DNER: variants seen among roughly 807,000 people sequenced by gnomAD.
DNER encodes the protein delta and Notch-like epidermal growth factor-related receptor.
A neutral mutation model predicts 78.2 loss-of-function variants in DNER; 33 were observed. The observed-to-expected ratio is 0.42, with a 90% CI of 0.32 to 0.56. The LOEUF is 0.56. Ranked by LOEUF, DNER falls within the 20% of genes least tolerant of loss-of-function variation. The pLI, the probability that DNER is intolerant of heterozygous loss-of-function variation, is 0.11. For synonymous variants in DNER, 417 were observed against 384.8 expected (o/e 1.08, Z -0.98); for missense variants, 918 against 975.3 (o/e 0.94, Z 0.78).
intron 8 of DNER, among the ~76,000 whole-genome samples, chr2:229,427,401 T>G (rs1345265925): frequency 1.3e-5 from 2 of 152,240 alleles, no homozygotes; most frequent in East Asian, 3.9e-4. Context: ...GCCTGCTATG[T>G]GTCAGGCACT....
chr2:229,695,681 T>C (rs1699652234), intron 1 of DNER, among the ~76,000 whole-genome samples: 1 of 152,106 alleles, frequency 6.6e-6, no homozygotes, highest in Non-Finnish European at 1.5e-5. Flanking sequence ...AGTGGTAGAG[T>C]GAGTTCCCCA....
chr2:229,411,442 A>G (rs1693516297), intron 9 of DNER, among the ~76,000 whole-genome samples: 1 of 152,314 alleles, frequency 6.6e-6, no homozygotes, highest in East Asian at 1.9e-4. Flanking sequence ...CTGTAATCCC[A>G]GCTACTCAGG....
At chr2:229,477,715 T>C (rs1695065959) in intron 6 of DNER, among the ~76,000 whole-genome samples, 1 of 152,218 alleles carries the variant, frequency 6.6e-6, no homozygotes, top group African/African-American at 2.4e-5. Flanking sequence ...ATTTATAATA[T>C]TTTAGAGCTA....
intron 4 of DNER, among the ~76,000 whole-genome samples, chr2:229,562,040 T>C (rs1345496420): frequency 6.6e-6 from 1 of 152,176 alleles, no homozygotes; most frequent in East Asian, 1.9e-4. Flanking sequence ...CACACAAGTG[T>C]ACTCTATCGG....
At chr2:229,473,913 A>G (rs1054186991) in intron 7 of DNER, among the ~76,000 whole-genome samples, 2 of 151,760 alleles carry the variant, frequency 1.3e-5, no homozygotes, top group Non-Finnish European at 2.9e-5. Flanking sequence ...TTTATTTTTT[A>G]TTTTCTTTTT....
intron 8 of DNER, among the ~76,000 whole-genome samples, chr2:229,421,673 A>AAAGTGG: frequency 7.1e-6 from 1 of 139,952 alleles, no homozygotes; most frequent in African/African-American, 2.6e-5. Flanking sequence ...AAAGTGGGAG[A>AAAGTGG]GAGAGTAAAA....
chr2:229,584,573 A>G (rs1336908964), intron 4 of DNER, among the ~76,000 whole-genome samples: 1 of 152,212 alleles, frequency 6.6e-6, no homozygotes, highest in Non-Finnish European at 1.5e-5. Flanking sequence ...CAAGTGTCCA[A>G]GCAAGAGGCA....
At chr2:229,658,578 T>C (rs1221972726) in intron 1 of DNER, among the ~76,000 whole-genome samples, 2 of 152,230 alleles carry the variant, frequency 1.3e-5, no homozygotes, top group Non-Finnish European at 2.9e-5. Context: ...TAAGACTTTA[T>C]TAAGCACTCA....
chr2:229,471,926 C>T (rs1694932046), intron 7 of DNER, among the ~76,000 whole-genome samples: 1 of 152,208 alleles, frequency 6.6e-6, no homozygotes, highest in South Asian at 2.1e-4. Flanking sequence ...AGCCTCGTCA[C>T]GGGGCCTAGA....
intron 1 of DNER, among the ~76,000 whole-genome samples, chr2:229,684,163 AGAGAGAGT>A (rs879546130): frequency 0.015 from 2,013 of 130,106 alleles, 16 homozygotes; most frequent in East Asian, 0.05. Flanking sequence ...AGAGAGAGAG[AGAGAGAGT>A]GTGTGTGTGT....
intron 1 of DNER, among the ~76,000 whole-genome samples, chr2:229,694,717 C>T (rs922637734): frequency 6.6e-6 from 1 of 152,202 alleles, no homozygotes; most frequent in African/African-American, 2.4e-5. Context: ...AATGCCTGTA[C>T]CCCCATTGTA....
intron 4 of DNER, among the ~76,000 whole-genome samples, chr2:229,574,568 G>A (rs1697264127): frequency 6.6e-6 from 1 of 152,108 alleles, no homozygotes; most frequent in Non-Finnish European, 1.5e-5. Context: ...CAAAGAAAAG[G>A]AAATATCACA....
At chr2:229,554,971 G>A (rs1463511399) in intron 4 of DNER, among the ~76,000 whole-genome samples, 5 of 147,012 alleles carry the variant, frequency 3.4e-5, no homozygotes, top group Non-Finnish European at 6.0e-5. Flanking sequence ...GAAGGGAAGG[G>A]AAGGGAAGGG....
intron 10 of DNER, among the ~76,000 whole-genome samples, chr2:229,390,688 A>G (rs777011728): frequency 9.2e-5 from 14 of 152,264 alleles, no homozygotes; most frequent in Non-Finnish European, 1.5e-4. Context: ...CATCACCATA[A>G]CATTCTTACA....
chr2:229,567,674 C>T lies in DNER; in HGVS notation c.847+18184G>A, dbSNP rs150570987. Among the ~76,000 whole-genome samples the T allele has an allele frequency of 2.8e-4, 43 of 152,260 alleles. No homozygotes were observed. In the East Asian group the frequency reaches 7.9e-3, roughly 28 times the overall value. ...AGGTAGAAGGCCTCATTCTAAACCA[C>T]GCCTTGCTGCAGACCATGAACAATG... is the stretch of plus-strand genomic sequence containing the variant. On this transcript the variant is annotated intron_variant, in intron 4 of 12. Transcript: ENST00000341772.
At position 229,371,477 on chromosome 2, in the gene DNER, G is replaced by A. The variant is rs145107917; in HGVS notation, c.1856-4358C>T. Among the ~76,000 whole-genome samples the A allele has an allele frequency of 6.5e-4, 99 of 152,290 alleles. 1 individual carries two copies. Among genetic ancestry groups the A allele is most frequent in the African/African-American group, 2.1e-3 (86 of 41,558 alleles). On this transcript the variant is annotated intron_variant, in intron 11 of 12. Coordinates refer to ENST00000341772, the MANE Select transcript of DNER (RefSeq NM_139072.4). ...ACGAGCTGCTCAAGAAAAATGTCAC[G>A]CTTGTGAGTCTGACAGATCATTTTC...
intron 4 of DNER, among the ~76,000 whole-genome samples, chr2:229,566,176 C>A (rs931709541): frequency 1.3e-4 from 20 of 152,156 alleles, no homozygotes; most frequent in African/African-American, 4.8e-4. Flanking sequence ...GATGAGCTAA[C>A]GTGAAAAGCT....
intron 5 of DNER, among the ~76,000 whole-genome samples, chr2:229,521,614 C>T (rs1289582309): frequency 6.6e-6 from 1 of 152,198 alleles, no homozygotes; most frequent in Non-Finnish European, 1.5e-5. Flanking sequence ...TCAGCATCCC[C>T]TTTTAGCCAT....
At position 229,367,040 on chromosome 2, in the gene DNER, G is replaced by C; in HGVS notation, c.1935C>G (p.Ala645=). The part of the protein sequence containing the change: ...PRHSLYIIIG[A]LCVAFILMLI... ...GCATAAGGATGAAGGCCACGCAGAG[G>C]GCTCCAATGATGATGTAGAGGGAGT... Residue 645 remains alanine, a synonymous_variant, in exon 12 of 13, where the codon GCC becomes GCG. Coordinates refer to ENST00000341772, the MANE Select transcript of DNER (RefSeq NM_139072.4). The C allele has an allele frequency of 1.2e-6, 2 of 1,614,072 alleles. No individual in the cohort carries two copies. The highest frequency in any genetic ancestry group is 2.2e-5 in the East Asian group (1 of 44,860).
Sources: allele counts gnomAD v4.1 joint callset (sites outside exome capture counted in the v4.1 genomes callset), GRCh38; gene constraint gnomAD v4.1.1; transcripts MANE v1.5; gene names NCBI Gene and HGNC (gene_info 2026-07-23, HGNC 2026-07-21).